Variants in PSEN1 observed in about 807,000 individuals in gnomAD.
The protein encoded by PSEN1 is presenilin-1.
A neutral mutation model predicts 53.5 loss-of-function variants in PSEN1; 15 were observed. The observed-to-expected ratio is 0.28, with a 90% confidence interval of 0.19 to 0.43. The LOEUF is 0.43. Ranked by LOEUF, PSEN1 falls within the 20% of genes least tolerant of loss-of-function variation. The probability of loss-of-function intolerance (pLI) is 1.00; values close to 1 mark genes in which losing one functional copy is unlikely to be tolerated. For missense variants in PSEN1, 387 were observed against 571.2 expected (o/e 0.68, Z 3.29); for synonymous variants, 208 against 209.8 (o/e 0.99, Z 0.08).
intron 5 of PSEN1, 173 bp downstream of exon 5, chr14:73,173,880 A>G: frequency 1.2e-6 from 1 of 813,882 alleles, no homozygotes; most frequent in Non-Finnish European, 2.0e-6. Context: ...TACAAAAAGG[A>G]AGCCAGGTGC....
chr14:73,174,115 G>A, intron 5 of PSEN1: 1 of 229,934 alleles, frequency 4.3e-6, no homozygotes, highest in Non-Finnish European at 8.4e-6. Context: ...ATGTTATTTT[G>A]GATTTCAATG....
At chr14:73,157,984 T>TAA (rs896093952) in intron 3 of PSEN1, among the ~76,000 whole-genome samples, 1 of 147,214 alleles carries the variant, frequency 6.8e-6, no homozygotes, top group East Asian at 2.0e-4. Flanking sequence ...AGTCTCTGTC[T>TAA]AAAAAAAAAA....
chr14:73,187,003 T>C, intron 6 of PSEN1, 83 bp downstream of exon 6: 1 of 1,108,446 alleles, frequency 9.0e-7, no homozygotes, highest in Non-Finnish European at 1.4e-6. Flanking sequence ...ATGTACTTTG[T>C]TGATGAATTA....
At chr14:73,206,510 G>T in intron 9 of PSEN1, 38 bp downstream of exon 9, 1 of 1,418,760 alleles carries the variant, frequency 7.0e-7, no homozygotes. Context: ...TGATTTTTCA[G>T]GGTCACTGTT....
At chr14:73,187,040 A>G (rs367996212) in intron 6 of PSEN1, 120 bp downstream of exon 6, 4 of 831,700 alleles carry the variant, frequency 4.8e-6, no homozygotes, top group Non-Finnish European at 8.3e-6. Flanking sequence ...GTTTCCACAT[A>G]TAGGTCATAC....
chr14:73,160,988 T>C (rs1352775108), intron 3 of PSEN1, among the ~76,000 whole-genome samples: 39 of 149,574 alleles, frequency 2.6e-4, no homozygotes, highest in Admixed American at 8.6e-4. Context: ...TTTTTTTTTT[T>C]CGATACAAGG....
chr14:73,186,667 C>A (rs1898524784), intron 5 of PSEN1, among the ~76,000 whole-genome samples, 186 bp from the exon 6 acceptor site: 2 of 152,100 alleles, frequency 1.3e-5, no homozygotes, highest in African/African-American at 4.8e-5. Context: ...GTTCCACCTA[C>A]TCAGGAGGCT....
At chr14:73,203,343 C>T (rs1380927018) in intron 8 of PSEN1, among the ~76,000 whole-genome samples, 5 of 152,332 alleles carry the variant, frequency 3.3e-5, no homozygotes, top group African/African-American at 9.6e-5. Flanking sequence ...CCGCCTCACC[C>T]TCCCAAAGTG....
intron 4 of PSEN1, among the ~76,000 whole-genome samples, chr14:73,172,926 A>ATT (rs1897933969): frequency 2.0e-5 from 3 of 152,204 alleles, no homozygotes; most frequent in Non-Finnish European, 4.4e-5. Flanking sequence ...AGGACATGTC[A>ATT]GCAGAATTCT....
Position 73,219,126 on chromosome 14 carries a change from C to T in PSEN1, c.1249-8C>T, listed in dbSNP as rs770414902. ...TGTGAATGTGTGTCTTTCCCATCTT[C>T]TCCACAGGGTTTGTGCCTTACATTA... On this transcript the variant is annotated splice_polypyrimidine_tract_variant and splice_region_variant and intron_variant, in intron 11 of 11. Coordinates refer to ENST00000324501, the MANE Select transcript of PSEN1 (RefSeq NM_000021.4). 2 of 1,613,754 alleles carry T rather than the reference C, an allele frequency of 1.2e-6. No homozygotes were observed. Among genetic ancestry groups the T allele is most frequent in the Middle Eastern group, 1.7e-4 (1 of 6,060 alleles).
intron 5 of PSEN1, among the ~76,000 whole-genome samples, chr14:73,179,041 G>T (rs1898126941): frequency 6.6e-6 from 1 of 152,202 alleles, no homozygotes; most frequent in Admixed American, 6.5e-5. Flanking sequence ...AGCTTTAAGA[G>T]ATTGCTTTCA....
chr14:73,174,582 C>T (rs1897991327), intron 5 of PSEN1, among the ~76,000 whole-genome samples: 2 of 152,210 alleles, frequency 1.3e-5, no homozygotes, highest in South Asian at 4.1e-4. Flanking sequence ...GAAATATACT[C>T]TAAGACCTTT....
At chr14:73,141,882 A>T (rs1896939003) in intron 1 of PSEN1, among the ~76,000 whole-genome samples, 1 of 152,054 alleles carries the variant, frequency 6.6e-6, no homozygotes, top group Admixed American at 6.6e-5. Context: ...CCTGGCTAAC[A>T]CAGTGAAACC....
intron 9 of PSEN1, among the ~76,000 whole-genome samples, chr14:73,207,857 C>T (rs1385915207): frequency 3.3e-5 from 5 of 152,252 alleles, no homozygotes; most frequent in Admixed American, 1.3e-4. Flanking sequence ...CCACTGCACA[C>T]AGCCAGGCAT....
intron 8 of PSEN1, among the ~76,000 whole-genome samples, chr14:73,202,263 A>G (rs939062429): frequency 2.7e-5 from 4 of 149,584 alleles, no homozygotes; most frequent in Non-Finnish European, 4.4e-5. Context: ...AAGGGAAAAT[A>G]CATTCTACTC....
intron 3 of PSEN1, chr14:73,160,193 A>G (rs1007271899): frequency 6.1e-6 from 1 of 163,340 alleles, no homozygotes; most frequent in African/African-American, 2.4e-5. Context: ...TTTGCTTAGC[A>G]TAATGTCCTC....
rs1398373426 is a variant in PSEN1, at chr14:73,162,968, ATTTTTAAT to A, written c.88-7824_88-7817del. The stretch of plus-strand genomic sequence containing the variant: ...GAATGTTTTACCTATGTATTTATTT[ATTTTTAAT>A]TTTTGCTTTGCCTGCTTTTAAACAA... On this transcript the variant is annotated intron_variant, in intron 3 of 11. Transcript: ENST00000324501. 2.0e-5 allele frequency among the ~76,000 whole-genome samples: 3 copies of A among 152,086 alleles called. No individual in the cohort carries two copies. In the East Asian group the frequency reaches 5.8e-4, roughly 29 times the overall value.
chr14:73,211,925 G>T lies in PSEN1; in HGVS notation c.1112G>T (p.Gly371Val), dbSNP rs1169974839. The T allele has an allele frequency of 6.2e-6, 10 of 1,613,742 alleles. No homozygotes were observed. The highest frequency in any genetic ancestry group is 8.5e-6 in the Non-Finnish European group (10 of 1,179,968). ...VQELSSSILA[G>V]EDPEERGVKL... ...GAACTTTCCAGCAGTATCCTCGCTG[G>T]TGAAGACCCAGAGGAAAGTATGTGC... is the stretch of plus-strand genomic sequence containing the variant. The change falls in exon 10 of 12, where the codon GGT becomes GTT. Residue 371 changes from glycine (G) to valine (V), a missense_variant. Physicochemically the swap from Gly to Val is moderately radical, Grantham distance 109. Coordinates refer to ENST00000324501, the MANE Select transcript of PSEN1 (RefSeq NM_000021.4).
intron 1 of PSEN1, among the ~76,000 whole-genome samples, chr14:73,147,195 A>T (rs1897097889): frequency 6.6e-6 from 1 of 152,156 alleles, no homozygotes; most frequent in Admixed American, 6.5e-5. Context: ...CATGTTGGTC[A>T]GGCTGGTTTC....
Sources: gnomAD v4.1 joint callset for allele counts (sites outside exome capture counted in the v4.1 genomes callset) on GRCh38, gnomAD v4.1.1 for gene constraint, MANE v1.5 for transcripts, NCBI Gene and HGNC (gene_info 2026-07-23, HGNC 2026-07-21) for gene names.